Variants in SLC24A2 observed in about 807,000 individuals in gnomAD.
The protein encoded by SLC24A2 is solute carrier family 24 member 2, also known as sodium/potassium/calcium exchanger 2.
SLC24A2 carries 36 observed loss-of-function variants against 62.0 expected under a neutral mutation model. The observed-to-expected ratio is 0.58, with a 90% CI of 0.44 to 0.77. The LOEUF (loss-of-function observed/expected upper bound fraction) is 0.77. Among genes scored for constraint, SLC24A2 ranks in the 30% least tolerant of loss-of-function variants. SLC24A2 has a pLI of 0.00. For missense variants in SLC24A2, 846 were observed against 817.9 expected (o/e 1.03, Z -0.42); for synonymous variants, 358 against 294.0 (o/e 1.22, Z -2.23).
chr9:19,559,962 G>T (rs775835047), intron 7 of SLC24A2, among the ~76,000 whole-genome samples: 1 of 152,166 alleles, frequency 6.6e-6, no homozygotes, highest in African/African-American at 2.4e-5. Flanking sequence ...TGGTCTCACC[G>T]ACCCAAACAC....
chr9:20,155,208 TGTAA>T, the SLC24A2 span, among the ~76,000 whole-genome samples: 5 of 150,726 alleles, frequency 3.3e-5, no homozygotes, highest in African/African-American at 4.9e-5. Context: ...CAAGGAGCAT[TGTAA>T]GTGTTATATT....
chr9:19,555,579 G>A (rs1476286413), intron 7 of SLC24A2, among the ~76,000 whole-genome samples: 1 of 152,152 alleles, frequency 6.6e-6, no homozygotes, highest in East Asian at 1.9e-4. Flanking sequence ...AAAAAGGTGA[G>A]GCAGGCGTAA....
rs147285634 is a variant in SLC24A2, at chr9:19,786,261, G to A, written c.606C>T (p.Asn202=). The A allele has an allele frequency of 5.0e-6, 8 of 1,614,108 alleles. No homozygotes were observed. Among genetic ancestry groups the A allele is most frequent in the East Asian group, 4.5e-5 (2 of 44,884 alleles). Residue 202 remains asparagine, a synonymous_variant, in exon 2 of 11, where the codon AAC becomes AAT. Transcript: ENST00000341998. This position sits in a 1 kb window ranked among gnomAD's most constrained non-coding sequence, Gnocchi z 5.0. ...SLIGVFIAHS[N]VGIGTIVGSA... ...AACCTACAATTGTGCCTATGCCAAC[G>A]TTGCTGTGAGCGATAAATACCCCTA... is the stretch of plus-strand genomic sequence containing the variant.
chr9:19,601,611 A>T (rs1025986069), intron 4 of SLC24A2, among the ~76,000 whole-genome samples: 1 of 151,350 alleles, frequency 6.6e-6, no homozygotes, highest in Admixed American at 6.6e-5. Context: ...TCTCAATAAC[A>T]ATCTTAAGAT....
At chr9:20,082,188 A>G in the SLC24A2 span, among the ~76,000 whole-genome samples, 1 of 152,182 alleles carries the variant, frequency 6.6e-6, no homozygotes, top group Non-Finnish European at 1.5e-5. Flanking sequence ...ACATTCCAGG[A>G]ATTAAGAATA....
At chr9:19,776,187 G>T (rs950507021) in intron 2 of SLC24A2, among the ~76,000 whole-genome samples, 4 of 152,206 alleles carry the variant, frequency 2.6e-5, no homozygotes, top group African/African-American at 9.7e-5. Context: ...CTCACAATGT[G>T]AAAAGTGAAT....
chr9:19,823,659 CA>C, the SLC24A2 span, among the ~76,000 whole-genome samples: 2 of 151,596 alleles, frequency 1.3e-5, no homozygotes, highest in African/African-American at 2.4e-5. Context: ...CAAAACAAAA[CA>C]CATCAGACGA....
rs536287159 is a variant in SLC24A2 at position 19,547,333 on chromosome 9, T to C, written c.1479+2804A>G. On this transcript the variant is annotated intron_variant, in intron 8 of 10. Transcript: ENST00000341998. ...CCCTGCCCATTCTGCAGGTGCTGGC[T>C]CTCAGAGGGGGACTGCACAGGGAGC... Among the ~76,000 whole-genome samples the C allele has an allele frequency of 2.0e-5, 3 of 152,298 alleles. No individual in the cohort carries two copies. The South Asian group carries it at 6.2e-4, about 32-fold the overall frequency.
chr9:20,116,243 T>G, the SLC24A2 span, among the ~76,000 whole-genome samples: 2 of 152,164 alleles, frequency 1.3e-5, no homozygotes, highest in Non-Finnish European at 2.9e-5. Flanking sequence ...TAGCTCTAAA[T>G]GTATCCAGAC....
the SLC24A2 span, among the ~76,000 whole-genome samples, chr9:20,099,058 A>C: frequency 6.6e-6 from 1 of 152,236 alleles, no homozygotes; most frequent in Non-Finnish European, 1.5e-5. Context: ...ACAGAACAAA[A>C]AGATAAAGGT....
chr9:20,214,226 C>T, the SLC24A2 span, among the ~76,000 whole-genome samples: 1 of 152,134 alleles, frequency 6.6e-6, no homozygotes, highest in Non-Finnish European at 1.5e-5. Context: ...GGAGCTACTA[C>T]TCAGTAGGCA....
intron 2 of SLC24A2, among the ~76,000 whole-genome samples, chr9:19,635,038 T>G (rs970046671): frequency 1.3e-5 from 2 of 152,188 alleles, no homozygotes; most frequent in African/African-American, 4.8e-5. Context: ...AGGACATATC[T>G]TATCTGTTAT....
At chr9:19,571,998 A>C (rs770341849) in intron 7 of SLC24A2, among the ~76,000 whole-genome samples, 3 of 152,094 alleles carry the variant, frequency 2.0e-5, no homozygotes, top group Non-Finnish European at 4.4e-5. Flanking sequence ...ATCCGGGCGC[A>C]GTGGCTCACG....
At chr9:19,560,929 AG>A (rs1835365624) in intron 7 of SLC24A2, among the ~76,000 whole-genome samples, 1 of 146,826 alleles carries the variant, frequency 6.8e-6, no homozygotes, top group African/African-American at 2.6e-5. Flanking sequence ...AGAGAGAGAG[AG>A]AGAGAGAGAG....
chr9:19,697,712 T>G (rs1051038438), intron 2 of SLC24A2, among the ~76,000 whole-genome samples: 17 of 152,162 alleles, frequency 1.1e-4, no homozygotes, highest in African/African-American at 3.1e-4. Context: ...GTTAAAATAA[T>G]CATGTTCATC....
At chr9:19,556,674 T>C (rs552829344) in intron 7 of SLC24A2, among the ~76,000 whole-genome samples, 2 of 152,324 alleles carry the variant, frequency 1.3e-5, no homozygotes, top group South Asian at 4.1e-4. Flanking sequence ...TGCTACCTCT[T>C]ATCATTGGGA....
intron 2 of SLC24A2, among the ~76,000 whole-genome samples, chr9:19,642,244 C>T (rs1426163660): frequency 6.6e-6 from 1 of 152,182 alleles, no homozygotes; most frequent in Non-Finnish European, 1.5e-5. Flanking sequence ...ATCCTACCAG[C>T]TGGGTCTGCA....
chr9:19,643,431 A>G (rs1054568702), intron 2 of SLC24A2, among the ~76,000 whole-genome samples: 1 of 152,194 alleles, frequency 6.6e-6, no homozygotes, highest in African/African-American at 2.4e-5. Flanking sequence ...CTAAATCTGA[A>G]TAATTGATGG....
At chr9:19,979,742 G>T in the SLC24A2 span, among the ~76,000 whole-genome samples, 1 of 152,050 alleles carries the variant, frequency 6.6e-6, no homozygotes, top group East Asian at 1.9e-4. Context: ...CCTCTCCATT[G>T]CCTGAAATTC....
Sources: allele counts gnomAD v4.1 joint callset (sites outside exome capture counted in the v4.1 genomes callset), GRCh38; gene constraint gnomAD v4.1.1; non-coding constraint Gnocchi (gnomAD v3.1); transcripts MANE v1.5; gene names NCBI Gene and HGNC (gene_info 2026-07-23, HGNC 2026-07-21).